The following ARLN variants were observed in gnomAD, a reference collection of about 807,000 sequenced individuals.
ARLN encodes sarcoplasmic/endoplasmic reticulum calcium ATPase regulator ARLN.
At chr4:119,300,834 T>C in the ARLN span, 2 of 1,434,780 alleles carry the variant, frequency 1.4e-6, no homozygotes, top group Non-Finnish European at 9.1e-7. Flanking sequence ...CAGGTTTCGT[T>C]GGAAGAAATA....
At chr4:119,300,369 A>G in the ARLN span, 10 of 1,612,794 alleles carry the variant, frequency 6.2e-6, no homozygotes, top group Non-Finnish European at 8.5e-6. Flanking sequence ...AAACACCACC[A>G]CATCGAAAAG....
the ARLN span, chr4:119,300,572 A>G: frequency 1.2e-6 from 2 of 1,614,006 alleles, no homozygotes; most frequent in East Asian, 2.2e-5. Context: ...CTAGAAACCG[A>G]AAATGCTTAA....
the ARLN span, chr4:119,304,353 T>G: frequency 2.6e-4 from 392 of 1,537,066 alleles, no homozygotes; most frequent in Middle Eastern, 1.8e-3. Flanking sequence ...AGTATTTGTT[T>G]CCATAGTTTT....
At chr4:119,303,889 CAAAG>C in the ARLN span, among the ~76,000 whole-genome samples, 1 of 152,186 alleles carries the variant, frequency 6.6e-6, no homozygotes, top group African/African-American at 2.4e-5. Context: ...CATGCTCTAA[CAAAG>C]AAAGAGTTGT....
the ARLN span, chr4:119,300,603 G>A: frequency 1.2e-6 from 2 of 1,608,452 alleles, no homozygotes; most frequent in Non-Finnish European, 1.7e-6. Flanking sequence ...TTTGGTGTTC[G>A]CCGCACCGGA....
chr4:119,299,215 T>C, the ARLN span, among the ~76,000 whole-genome samples: 1 of 152,122 alleles, frequency 6.6e-6, no homozygotes, highest in African/African-American at 2.4e-5. Flanking sequence ...GCTTCCCAAG[T>C]AGCTGGGACT....
the ARLN span, chr4:119,298,730 C>A: frequency 1.3e-6 from 1 of 764,198 alleles, no homozygotes; most frequent in Non-Finnish European, 2.4e-6. Context: ...TAGCCATTTT[C>A]AGAATTCACT....
chr4:119,298,003 G>C, the ARLN span: 2 of 152,400 alleles, frequency 1.3e-5, no homozygotes, highest in African/African-American at 4.8e-5. Flanking sequence ...TGACTTTGCT[G>C]AAGTATTTAA....
chr4:119,299,709 A>ATGTGTGTAAGAAAAGGGCAAAG, the ARLN span, among the ~76,000 whole-genome samples: 1 of 152,176 alleles, frequency 6.6e-6, no homozygotes, highest in Non-Finnish European at 1.5e-5. Context: ...GGATATGTGG[A>ATGTGTGTAAGAAAAGGGCAAAG]TGTGTGTAAG....
the ARLN span, chr4:119,297,158 G>T: frequency 2.0e-5 from 3 of 152,248 alleles, no homozygotes; most frequent in African/African-American, 7.2e-5. Flanking sequence ...TGTTCCTACA[G>T]ATGTTTCAAC....
At chr4:119,301,241 T>TAAA in the ARLN span, among the ~76,000 whole-genome samples, 2 of 100,396 alleles carry the variant, frequency 2.0e-5, no homozygotes, top group African/African-American at 4.0e-5. Flanking sequence ...CCGTCTCTAC[T>TAAA]AAAAAAAAAA....
chr4:119,302,335 G>C, the ARLN span, among the ~76,000 whole-genome samples: 1 of 152,160 alleles, frequency 6.6e-6, no homozygotes, highest in African/African-American at 2.4e-5. Flanking sequence ...TGCAAATAAG[G>C]AGGGGTTATT....
the ARLN span, among the ~76,000 whole-genome samples, chr4:119,302,386 C>T: frequency 6.6e-6 from 1 of 152,098 alleles, no homozygotes; most frequent in Non-Finnish European, 1.5e-5. Context: ...CCGACTTTAC[C>T]CTTGTAAAAG....
At chr4:119,298,808 A>G in the ARLN span, 1 of 773,732 alleles carries the variant, frequency 1.3e-6, no homozygotes, top group Non-Finnish European at 2.4e-6. Context: ...TGTCAGCAAT[A>G]TGTGCTTTAT....
chr4:119,299,084 C>G, the ARLN span, among the ~76,000 whole-genome samples: 3 of 152,138 alleles, frequency 2.0e-5, no homozygotes, highest in Non-Finnish European at 4.4e-5. Flanking sequence ...ATCCCTCTCG[C>G]TCCCCTGCCA....
At chr4:119,300,745 C>T in the ARLN span, 5 of 1,503,582 alleles carry the variant, frequency 3.3e-6, no homozygotes, top group South Asian at 1.3e-5. Flanking sequence ...TGGCATGAAG[C>T]GCGGCCTCCG....
At chr4:119,298,581 T>G in the ARLN span, 1 of 462,446 alleles carries the variant, frequency 2.2e-6, no homozygotes, top group South Asian at 5.2e-5. Flanking sequence ...TTTTAAGAAC[T>G]TAGCTAGGAA....
the ARLN span, among the ~76,000 whole-genome samples, chr4:119,299,474 C>T: frequency 6.6e-6 from 1 of 152,222 alleles, no homozygotes; most frequent in Non-Finnish European, 1.5e-5. Flanking sequence ...TCTAGATGGG[C>T]TACACTGCTC....
At chr4:119,300,585 T>C in the ARLN span, 1 of 1,613,482 alleles carries the variant, frequency 6.2e-7, no homozygotes, top group Non-Finnish European at 8.5e-7. Context: ...ATGCTTAAGT[T>C]CCCGGACTTT....
Sources: allele counts gnomAD v4.1 joint callset (sites outside exome capture counted in the v4.1 genomes callset), GRCh38; gene constraint gnomAD v4.1.1; transcripts MANE v1.5; gene names NCBI Gene and HGNC (gene_info 2026-07-23, HGNC 2026-07-21).